Variants in TRIM49 observed in about 807,000 individuals in gnomAD.
The protein encoded by TRIM49 is tripartite motif containing 49, also known as tripartite motif-containing protein 49.
TRIM49 carries 5 observed loss-of-function variants against 27.4 expected under a neutral mutation model. That is an observed-to-expected ratio of 0.18 (90% CI 0.10 to 0.38). The LOEUF (loss-of-function observed/expected upper bound fraction) is 0.38. Ranked by LOEUF, TRIM49 falls within the 10% of genes least tolerant of loss-of-function variation. The pLI, the probability that TRIM49 is intolerant of heterozygous loss-of-function variation, is 1.00. For missense variants in TRIM49, 188 were observed against 487.5 expected, an observed-to-expected ratio of 0.39 and a Z score of 5.79; for synonymous variants, 69 against 166.0, an observed-to-expected ratio of 0.42 and a Z score of 4.49.
the TRIM49 span, chr11:89,777,073 C>T: frequency 1.9e-6 from 3 of 1,550,032 alleles, no homozygotes; most frequent in South Asian, 3.6e-5. Flanking sequence ...TGACTGTGGG[C>T]ACAGCTTTTG....
chr11:89,794,647 CTAT>C (rs1329625776), downstream of TRIM49, among the ~76,000 whole-genome samples: 1 of 146,326 alleles, frequency 6.8e-6, no homozygotes, highest in African/African-American at 2.5e-5. Flanking sequence ...AAAGGATTCC[CTAT>C]TTAATAAATG....
intron 4 of TRIM49, among the ~76,000 whole-genome samples, chr11:89,802,192 A>G (rs1156419676): frequency 2.1e-5 from 3 of 144,638 alleles, no homozygotes; most frequent in Non-Finnish European, 1.5e-5. Flanking sequence ...GAATTTCTCT[A>G]TTCCAACCCA....
Position 89,804,086 on chromosome 11 carries a change from G to C in TRIM49, c.384C>G (p.Pro128=). ...GGTGTTCCTCAGCAGCCCACTCAAT[G>C]GGACGGTGTCTGTGATACCGGTGCT... ...SQEHRYHRHR[P]IEWAAEEHRE... Residue 128 remains proline (P), a synonymous_variant, in exon 3 of 8, where the codon CCC becomes CCG. Transcript: ENST00000329758. The C allele has an allele frequency of 6.2e-7, 1 of 1,608,244 alleles. No individual in the cohort carries two copies. The highest frequency in any genetic ancestry group is 8.5e-7 in the Non-Finnish European group (1 of 1,178,150).
chr11:89,802,927 G>T (rs539311863), intron 4 of TRIM49, among the ~76,000 whole-genome samples: 2 of 149,784 alleles, frequency 1.3e-5, no homozygotes, highest in Non-Finnish European at 3.0e-5. Flanking sequence ...GAGGACAAAG[G>T]TGCTTCCTTT....
At chr11:89,780,056 T>TA in the TRIM49 span, among the ~76,000 whole-genome samples, 409 of 82,918 alleles carry the variant, frequency 4.9e-3, 64 homozygotes, top group Admixed American at 0.017. Flanking sequence ...GGTGGGAGGT[T>TA]AAAAAAAAAA....
At chr11:89,774,298 C>A in the TRIM49 span, among the ~76,000 whole-genome samples, 1 of 151,112 alleles carries the variant, frequency 6.6e-6, no homozygotes, top group African/African-American at 2.5e-5. Context: ...CCTTCCTTGC[C>A]CAGCTACTTA....
At chr11:89,782,006 T>C in the TRIM49 span, 5 of 1,527,852 alleles carry the variant, frequency 3.3e-6, no homozygotes, top group Non-Finnish European at 4.4e-6. Flanking sequence ...AGTGGACAGC[T>C]TTGCTGTGTG....
chr11:89,804,860 T>C (rs1591515815), intron 2 of TRIM49, among the ~76,000 whole-genome samples: 1 of 151,386 alleles, frequency 6.6e-6, no homozygotes, highest in Non-Finnish European at 1.5e-5. Context: ...GGGAAAAAAC[T>C]ACCCGGGCCA....
At chr11:89,776,955 C>T in the TRIM49 span, 2 of 1,298,870 alleles carry the variant, frequency 1.5e-6, no homozygotes, top group Non-Finnish European at 2.1e-6. Context: ...GAAATTCTCA[C>T]TTTTTTTTTT....
chr11:89,789,539 T>A, the TRIM49 span: 1 of 148,176 alleles, frequency 6.7e-6, no homozygotes, highest in African/African-American at 2.5e-5. Flanking sequence ...GCAGCCCACA[T>A]GGAGAGCTGC....
intron 1 of TRIM49, among the ~76,000 whole-genome samples, chr11:89,807,989 A>C (rs1442986138): frequency 8.4e-6 from 1 of 119,540 alleles, no homozygotes; most frequent in Non-Finnish European, 1.7e-5. Flanking sequence ...TGAATTTACA[A>C]AACTTCACCA....
the TRIM49 span, among the ~76,000 whole-genome samples, chr11:89,792,610 AC>A: frequency 1.1e-4 from 17 of 152,144 alleles, no homozygotes; most frequent in African/African-American, 4.1e-4. Context: ...CCGCTCAACT[AC>A]ATGGAAACTG....
the TRIM49 span, among the ~76,000 whole-genome samples, chr11:89,776,723 G>A: frequency 6.6e-6 from 1 of 152,080 alleles, no homozygotes; most frequent in Non-Finnish European, 1.5e-5. Context: ...ACTAATAAGA[G>A]ACTTGAACAT....
chr11:89,797,170 T>G (rs1949696807), downstream of TRIM49, among the ~76,000 whole-genome samples: 1 of 151,312 alleles, frequency 6.6e-6, no homozygotes, highest in Non-Finnish European at 1.5e-5. Context: ...TATTTATGTA[T>G]CCAATTCTGT....
In TRIM49 at chr11:89,805,020, A is replaced by T. The variant is rs570870449; in HGVS notation, c.-4-547T>A. ...AAGTCCTGCAGTTATCCCAGGACTT[A>T]AAATTAAATTAAATTAAAAACAAAG... On this transcript the variant is annotated intron_variant, in intron 2 of 7. Coordinates refer to ENST00000329758, the MANE Select transcript of TRIM49 (RefSeq NM_020358.2). Among the ~76,000 whole-genome samples, 15 of 151,756 alleles carry T rather than the reference A, an allele frequency of 9.9e-5. No homozygotes were observed. The East Asian group carries it at 2.7e-3, about 27-fold the overall frequency.
chr11:89,796,451 G>T (rs1949689824), downstream of TRIM49, among the ~76,000 whole-genome samples: 2 of 135,320 alleles, frequency 1.5e-5, no homozygotes, highest in Admixed American at 7.1e-5. Flanking sequence ...GCCTCCACTG[G>T]TCTGGAACTC....
chr11:89,797,501 A>G (rs1949699962), downstream of TRIM49, among the ~76,000 whole-genome samples: 1 of 147,584 alleles, frequency 6.8e-6, no homozygotes. Context: ...GTAGGAGTCA[A>G]TATTTAGTTA....
chr11:89,777,185 T>A, the TRIM49 span: 1 of 1,548,666 alleles, frequency 6.5e-7, no homozygotes, highest in Admixed American at 2.0e-5. Context: ...ACCAATGTGG[T>A]ACTCAAAAAG....
chr11:89,770,327 T>G, the TRIM49 span, among the ~76,000 whole-genome samples: 1 of 129,912 alleles, frequency 7.7e-6, no homozygotes, highest in Non-Finnish European at 1.5e-5. Flanking sequence ...TGGCTTCAAT[T>G]TTCTGTATTC....
Sources: gnomAD v4.1 joint callset for allele counts (sites outside exome capture counted in the v4.1 genomes callset) on GRCh38, gnomAD v4.1.1 for gene constraint, MANE v1.5 for transcripts, NCBI Gene and HGNC (gene_info 2026-07-23, HGNC 2026-07-21) for gene names.